Variants in C10orf143 observed in about 807,000 individuals in gnomAD.
C10orf143 encodes uncharacterized protein C10orf143.
intron 3 of C10orf143, among the ~76,000 whole-genome samples, chr10:130,044,756 G>T (rs1450834406): frequency 6.6e-6 from 1 of 152,164 alleles, no homozygotes; most frequent in Non-Finnish European, 1.5e-5. Context: ...CGGACCACTT[G>T]TCAGCCTTGG....
At chr10:130,095,067 TC>T (rs1259688758) in intron 1 of C10orf143, among the ~76,000 whole-genome samples, 1 of 152,042 alleles carries the variant, frequency 6.6e-6, no homozygotes, top group African/African-American at 2.4e-5. Flanking sequence ...TCAAAAACAT[TC>T]CTATACACCA....
chr10:130,108,705 G>A lies in C10orf143; in HGVS notation c.69+1999C>T, dbSNP rs1159529451. On this transcript the variant is annotated intron_variant, in intron 1 of 3. Transcript: ENST00000637128. Reference sequence around the variant, plus strand: ...ATAGAAACAACAGTGGGAGTTTTACGTATGTAATCTTGCAGGTGGGGAGGC... The same window carrying A: ...ATAGAAACAACAGTGGGAGTTTTACATATGTAATCTTGCAGGTGGGGAGGC... Among the ~76,000 whole-genome samples the A allele has an allele frequency of 2.6e-5, 4 of 152,120 alleles. No individual in the cohort carries two copies. The East Asian group carries it at 7.7e-4, about 29-fold the overall frequency.
intron 1 of C10orf143, among the ~76,000 whole-genome samples, chr10:130,094,300 A>T (rs921870927): frequency 6.6e-6 from 1 of 152,210 alleles, no homozygotes; most frequent in Non-Finnish European, 1.5e-5. Context: ...CAGAGGTACA[A>T]AGAGGAGCTG....
intron 1 of C10orf143, among the ~76,000 whole-genome samples, chr10:130,090,259 G>C (rs1861358957): frequency 6.6e-6 from 1 of 152,174 alleles, no homozygotes; most frequent in Admixed American, 6.5e-5. Context: ...GCAGCCCATG[G>C]AGGGACAACT....
At chr10:130,108,367 T>G in intron 1 of C10orf143, 1 of 1,214,628 alleles carries the variant, frequency 8.2e-7, no homozygotes, top group Non-Finnish European at 1.2e-6. Context: ...CCCCACATTC[T>G]GAAGGTAGAA....
At chr10:130,066,460 T>C (rs1195985557) in intron 3 of C10orf143, 1 of 151,754 alleles carries the variant, frequency 6.6e-6, no homozygotes. Flanking sequence ...TCCCAAAGTC[T>C]TGGGATTATA....
intron 1 of C10orf143, chr10:130,106,433 A>G (rs769614708): frequency 6.2e-7 from 1 of 1,602,704 alleles, no homozygotes; most frequent in Non-Finnish European, 8.5e-7. Context: ...TTTGGAGGCA[A>G]CCTGTGAAAA....
downstream of C10orf143, among the ~76,000 whole-genome samples, chr10:130,061,542 A>G (rs1266345513): frequency 1.3e-5 from 2 of 152,278 alleles, no homozygotes; most frequent in Non-Finnish European, 2.9e-5. Context: ...TAGCCCCTAT[A>G]TCCCCCCAAA....
At chr10:130,063,149 T>C (rs374222017), downstream of C10orf143, among the ~76,000 whole-genome samples, 5 of 152,134 alleles carry the variant, frequency 3.3e-5, no homozygotes, top group East Asian at 7.7e-4. Flanking sequence ...AAAGCCAGCT[T>C]CGTATGAACA....
At chr10:130,087,320 C>CT (rs936523600) in intron 1 of C10orf143, among the ~76,000 whole-genome samples, 4 of 152,112 alleles carry the variant, frequency 2.6e-5, no homozygotes, top group African/African-American at 4.8e-5. Context: ...TTATGCCAAG[C>CT]TAAAAAGACA....
intron 1 of C10orf143, among the ~76,000 whole-genome samples, chr10:130,096,318 T>C (rs982129992): frequency 1.1e-4 from 17 of 151,850 alleles, no homozygotes; most frequent in African/African-American, 4.1e-4. Context: ...TGTGGAGAAA[T>C]AGGAACGTTT....
intron 1 of C10orf143, among the ~76,000 whole-genome samples, chr10:130,097,319 G>A (rs1022352570): frequency 1.3e-5 from 2 of 152,106 alleles, no homozygotes; most frequent in Non-Finnish European, 2.9e-5. Flanking sequence ...TTGGGAGGCT[G>A]ACTTGGGAAG....
chr10:130,101,849 C>CAAAAAAGAAAAAAAAAAAA (rs1861556887), intron 1 of C10orf143, among the ~76,000 whole-genome samples: 1 of 26,928 alleles, frequency 3.7e-5, no homozygotes, highest in African/African-American at 6.8e-5. Context: ...GACTCTGTCT[C>CAAAAAAGAAAAAAAAAAAA]AAAAAAAAAA....
At chr10:130,109,021 C>T (rs147299205) in intron 1 of C10orf143, among the ~76,000 whole-genome samples, 1,744 of 152,296 alleles carry the variant, frequency 0.011, 20 homozygotes, top group Non-Finnish European at 0.021. Context: ...CCCTACAACA[C>T]CCTGGACTCC....
chr10:130,107,096 C>T (rs1175298591), intron 1 of C10orf143: 1 of 1,591,384 alleles, frequency 6.3e-7, no homozygotes, highest in African/African-American at 1.3e-5. Flanking sequence ...GCTTACAGAG[C>T]ATATTAAAAA....
intron 1 of C10orf143, chr10:130,107,934 G>A (rs766471405): frequency 3.9e-5 from 55 of 1,407,176 alleles, no homozygotes; most frequent in Non-Finnish European, 5.3e-5. Flanking sequence ...TCTAACTCTG[G>A]TGGACTGTCT....
At chr10:130,093,227 G>A (rs1325020469) in intron 1 of C10orf143, among the ~76,000 whole-genome samples, 1 of 152,192 alleles carries the variant, frequency 6.6e-6, no homozygotes, top group African/African-American at 2.4e-5. Context: ...TCAGACCACA[G>A]TGCAATCAAA....
chr10:130,062,662 C>G (rs1368063160), downstream of C10orf143, among the ~76,000 whole-genome samples: 1 of 152,192 alleles, frequency 6.6e-6, no homozygotes, highest in African/African-American at 2.4e-5. Flanking sequence ...GGCTGCCTTC[C>G]TTGCTCCTCA....
intron 3 of C10orf143, among the ~76,000 whole-genome samples, chr10:130,071,637 T>A (rs1318320338): frequency 1.3e-4 from 20 of 152,306 alleles, no homozygotes; most frequent in East Asian, 7.7e-4. Context: ...ATTCTATATT[T>A]TTTTTTTGAG....
Sources: allele counts gnomAD v4.1 joint callset (sites outside exome capture counted in the v4.1 genomes callset), GRCh38; gene constraint gnomAD v4.1.1; transcripts MANE v1.5; gene names NCBI Gene and HGNC (gene_info 2026-07-23, HGNC 2026-07-21).